Variants in CSMD1 observed in about 807,000 individuals in gnomAD.
The protein encoded by CSMD1 is CUB and Sushi multiple domains 1, also known as CUB and sushi domain-containing protein 1.
Under a neutral mutation model 417.5 loss-of-function variants are expected in CSMD1, and 213 were observed. That is an observed-to-expected ratio of 0.51 (90% CI 0.46 to 0.57). The LOEUF (loss-of-function observed/expected upper bound fraction) is 0.57, where lower values mean the gene tolerates loss of function less well. CSMD1 is among the 20% of genes least tolerant of loss of function. The pLI, the probability that CSMD1 is intolerant of heterozygous loss-of-function variation, is 0.00. For missense variants in CSMD1, 6,923 were observed against 4,529.7 expected, an observed-to-expected ratio of 1.53 and a Z score of -15.17; for synonymous variants, 2,862 against 1,736.8, an observed-to-expected ratio of 1.65 and a Z score of -16.11.
chr8:3,580,892 G>A (rs1025690949), intron 9 of CSMD1, among the ~76,000 whole-genome samples: 1 of 152,160 alleles, frequency 6.6e-6, no homozygotes, highest in Non-Finnish European at 1.5e-5. Flanking sequence ...AGCTGTAAAA[G>A]TTTTTGGTAA....
intron 6 of CSMD1, among the ~76,000 whole-genome samples, chr8:3,724,226 T>G (rs926524439): frequency 2.6e-5 from 4 of 151,984 alleles, no homozygotes; most frequent in Admixed American, 1.3e-4. Context: ...ACTTTAAGTT[T>G]TAGGGTACAT....
chr8:3,412,792 G>A (rs559993841), intron 12 of CSMD1, among the ~76,000 whole-genome samples: 1 of 152,174 alleles, frequency 6.6e-6, no homozygotes. Context: ...AACAGAGATG[G>A]GAATGGATTT....
chr8:4,921,596 C>G (rs1430277987), intron 1 of CSMD1, among the ~76,000 whole-genome samples: 1 of 152,026 alleles, frequency 6.6e-6, no homozygotes, highest in Non-Finnish European at 1.5e-5. Context: ...GCATATTTTC[C>G]AAAATACCTT....
chr8:3,485,617 G>A (rs1364982892), intron 11 of CSMD1, among the ~76,000 whole-genome samples: 2 of 151,536 alleles, frequency 1.3e-5, no homozygotes, highest in Non-Finnish European at 2.9e-5. Flanking sequence ...TAAATGAGCT[G>A]GGTGTGGTGG....
chr8:4,967,043 T>A (rs912455139), intron 1 of CSMD1, among the ~76,000 whole-genome samples: 3 of 152,178 alleles, frequency 2.0e-5, no homozygotes, highest in Non-Finnish European at 4.4e-5. Flanking sequence ...CATCGCAGTG[T>A]TCTCCAGTGG....
At position 4,974,346 on chromosome 8, in the gene CSMD1, C is replaced by G. The variant is rs538164464; in HGVS notation, c.85+19986G>C. Among the ~76,000 whole-genome samples the G allele has an allele frequency of 7.2e-5, 11 of 152,196 alleles. No homozygotes were observed. The South Asian group carries it at 2.1e-3, about 29-fold the overall frequency. On this transcript the variant is annotated intron_variant, in intron 1 of 69. Transcript: ENST00000635120. ...TGAAGAGCACAGTCTCACAATGTCT[C>G]ACATGTCGGTTAGCACTTAGCTGCA... is the stretch of plus-strand genomic sequence containing the variant.
In CSMD1 at chr8:3,369,370, G is replaced by C; in HGVS notation, c.2783C>G (p.Ala928Gly). 2.8e-6 allele frequency: 4 copies of C among 1,452,702 alleles called. No homozygotes were observed. Among genetic ancestry groups the C allele is most frequent in the Non-Finnish European group, 1.9e-6 (2 of 1,036,458 alleles). 90.0% of individuals were successfully genotyped at this position (1,452,702 alleles called of 1,614,324 possible). Residue 928 changes from alanine (A) to glycine (G), a missense_variant and splice_region_variant, in exon 19 of 70, where the codon GCT becomes GGT. Physicochemically the swap from Ala to Gly is moderately conservative, Grantham distance 60 (BLOSUM62 0). Transcript: ENST00000635120. ...QWNHALPSCDALCGGYIQGKS... is the reference protein window; with the variant it reads ...QWNHALPSCDGLCGGYIQGKS... Reference sequence around the variant, plus strand: ...CCCTTGGATGTAGCCTCCACATAGAGCTTAAAATAATAAAGAGAGATGATT... The same window carrying C: ...CCCTTGGATGTAGCCTCCACATAGACCTTAAAATAATAAAGAGAGATGATT...
rs575770491 is a variant in CSMD1, at chr8:3,267,542, G to C, written c.4153+16602C>G. Among the ~76,000 whole-genome samples the C allele has an allele frequency of 2.6e-5, 4 of 152,254 alleles. No individual in the cohort carries two copies. The East Asian group carries it at 7.8e-4, about 30-fold the overall frequency. On this transcript the variant is annotated intron_variant, in intron 26 of 69. Transcript: ENST00000635120. ...GAGGAGAGAATCCAGGCAGATGCTG[G>C]GCCAGGGAGCTTCCAGCACAAGGGA...
At chr8:3,956,464 T>G (rs1811954495) in intron 5 of CSMD1, among the ~76,000 whole-genome samples, 2 of 152,170 alleles carry the variant, frequency 1.3e-5, no homozygotes, top group Non-Finnish European at 2.9e-5. Flanking sequence ...TTGAGTTTCA[T>G]AATCATCCAC....
At chr8:3,660,496 T>A (rs1798358363) in intron 7 of CSMD1, among the ~76,000 whole-genome samples, 1 of 2,764 alleles carries the variant, frequency 3.6e-4, no homozygotes, top group Non-Finnish European at 9.4e-4. Context: ...TTTTTTTTTT[T>A]TTTTTTTTTT....
chr8:3,609,717 T>A (rs965075636), intron 8 of CSMD1, among the ~76,000 whole-genome samples: 2 of 128,940 alleles, frequency 1.6e-5, no homozygotes, highest in Non-Finnish European at 3.4e-5. Flanking sequence ...ATGTTAGTCA[T>A]TAGTTTTGAT....
intron 1 of CSMD1, among the ~76,000 whole-genome samples, chr8:4,761,876 T>TA (rs1435714617): frequency 1.1e-5 from 1 of 93,832 alleles, no homozygotes; most frequent in Non-Finnish European, 2.2e-5. Flanking sequence ...TCTATCTATC[T>TA]ATCTATCTAT....
intron 3 of CSMD1, among the ~76,000 whole-genome samples, chr8:4,047,009 G>A (rs1395412479): frequency 6.6e-6 from 1 of 152,138 alleles, no homozygotes; most frequent in African/African-American, 2.4e-5. Context: ...GCATGACTTA[G>A]CCCTATAGGG....
At chr8:4,907,936 G>T (rs930377214) in intron 1 of CSMD1, among the ~76,000 whole-genome samples, 9 of 152,154 alleles carry the variant, frequency 5.9e-5, no homozygotes, top group African/African-American at 1.9e-4. Context: ...AAAATCATTT[G>T]ATAGAAAATA....
At chr8:4,108,614 G>C (rs1801692240) in intron 3 of CSMD1, among the ~76,000 whole-genome samples, 1 of 152,152 alleles carries the variant, frequency 6.6e-6, no homozygotes, top group South Asian at 2.1e-4. Context: ...CAGGTTCCCG[G>C]CCCGAGAGTC....
chr8:3,617,899 A>C (rs1324436065), intron 7 of CSMD1, among the ~76,000 whole-genome samples: 1 of 152,224 alleles, frequency 6.6e-6, no homozygotes, highest in Non-Finnish European at 1.5e-5. Context: ...CAAATATTTT[A>C]AATAATTCCG....
chr8:4,052,277 A>G (rs1798472901), intron 3 of CSMD1, among the ~76,000 whole-genome samples: 1 of 152,178 alleles, frequency 6.6e-6, no homozygotes, highest in East Asian at 1.9e-4. Context: ...ACAGCCTGCC[A>G]TTTGGCAAAA....
chr8:4,124,108 A>T (rs1025845351), intron 3 of CSMD1, among the ~76,000 whole-genome samples: 1 of 152,216 alleles, frequency 6.6e-6, no homozygotes, highest in African/African-American at 2.4e-5. Context: ...AGAGAAAGAA[A>T]AACTATTTTC....
intron 3 of CSMD1, among the ~76,000 whole-genome samples, chr8:4,200,542 C>T (rs1332620318): frequency 1.3e-5 from 2 of 151,932 alleles, no homozygotes; most frequent in African/African-American, 2.4e-5. Context: ...AATATAAATG[C>T]CTGCTGTGCT....
Sources: allele counts gnomAD v4.1 joint callset (sites outside exome capture counted in the v4.1 genomes callset), GRCh38; gene constraint gnomAD v4.1.1; transcripts MANE v1.5; gene names NCBI Gene and HGNC (gene_info 2026-07-23, HGNC 2026-07-21).